The following TMOD3 variants were observed in gnomAD, a reference collection of about 807,000 sequenced individuals.
TMOD3 encodes the protein tropomodulin 3, also known as tropomodulin-3.
A neutral mutation model predicts 39.2 loss-of-function variants in TMOD3; 20 were observed. The observed-to-expected ratio is 0.51, with a 90% CI of 0.36 to 0.74. The LOEUF is 0.74. TMOD3 is among the 30% of genes least tolerant of loss of function. The pLI is 0.00. For missense variants in TMOD3, 381 were observed against 412.8 expected (o/e 0.92, Z 0.67); for synonymous variants, 143 against 145.8 (o/e 0.98, Z 0.14).
chr15:51,908,556 G>A (rs1404113973), intron 9 of TMOD3, among the ~76,000 whole-genome samples: 1 of 151,576 alleles, frequency 6.6e-6, no homozygotes, highest in African/African-American at 2.4e-5. Flanking sequence ...TTCTTTTGTT[G>A]AAGCCCCTTG....
rs1555387131 is a variant in TMOD3, at chr15:51,879,856, T to TCTCACACACACACACA, written c.284-7732_284-7731insTCACACACACACACAC. On this transcript the variant is annotated intron_variant, in intron 3 of 9. Transcript: ENST00000308580. ...CAATCTCTTTCTCTCTCTCTGTCTT[T>TCTCACACACACACACA]CACACACACACACACACACACACAC... Among the ~76,000 whole-genome samples the TCTCACACACACACACA allele has an allele frequency of 2.5e-3, 357 of 142,650 alleles. 4 individuals are homozygous for TCTCACACACACACACA. The highest frequency in any genetic ancestry group is 8.6e-3 in the African/African-American group (331 of 38,300). The allele number at this position is 142,650 out of a possible 152,430, so 93.6% of individuals were successfully genotyped here.
At chr15:51,868,993 A>G (rs1413248891) in intron 2 of TMOD3, among the ~76,000 whole-genome samples, 1 of 152,196 alleles carries the variant, frequency 6.6e-6, no homozygotes, top group South Asian at 2.1e-4. Context: ...AACTGTACTA[A>G]TGTATGTGCC....
intron 3 of TMOD3, among the ~76,000 whole-genome samples, chr15:51,877,828 TG>T (rs1238652376): frequency 6.6e-6 from 1 of 152,148 alleles, no homozygotes; most frequent in Non-Finnish European, 1.5e-5. Flanking sequence ...GTCTGGCTGG[TG>T]GGAACAGGTT....
chr15:51,888,552 T>G (rs1190622438), intron 4 of TMOD3, among the ~76,000 whole-genome samples: 1 of 152,234 alleles, frequency 6.6e-6, no homozygotes, highest in Non-Finnish European at 1.5e-5. Flanking sequence ...CTCCTAAGTG[T>G]CATTTTTGAA....
chr15:51,893,294 CAAAAAAAAAAAA>C (rs59321162), intron 5 of TMOD3, among the ~76,000 whole-genome samples: 8 of 59,008 alleles, frequency 1.4e-4, no homozygotes, highest in Non-Finnish European at 1.7e-4. Context: ...GACTCCATCT[CAAAAAAAAAAAA>C]AAAAAAAAAA....
intron 1 of TMOD3, among the ~76,000 whole-genome samples, chr15:51,831,887 A>G (rs1464370138): frequency 6.6e-6 from 1 of 152,168 alleles, no homozygotes; most frequent in African/African-American, 2.4e-5. Flanking sequence ...AATATGTATA[A>G]GACATGAGGC....
chr15:51,834,820 C>T (rs1220389524), intron 1 of TMOD3, among the ~76,000 whole-genome samples: 2 of 152,188 alleles, frequency 1.3e-5, no homozygotes, highest in East Asian at 3.8e-4. Context: ...GAGTAAGACC[C>T]TGTCTCAAGA....
chr15:51,867,327 A>C (rs184959969), intron 2 of TMOD3, among the ~76,000 whole-genome samples: 1 of 152,338 alleles, frequency 6.6e-6, no homozygotes, highest in Admixed American at 6.5e-5. Flanking sequence ...TCAATTGGAA[A>C]TGGATTCTTC....
At chr15:51,907,124 A>G (rs1418557185) in intron 9 of TMOD3, 1 of 151,916 alleles carries the variant, frequency 6.6e-6, no homozygotes, top group African/African-American at 2.4e-5. Context: ...TCAAGTCTCC[A>G]TTTAATTTTT....
chr15:51,838,722 T>A (rs1360619249), intron 1 of TMOD3, among the ~76,000 whole-genome samples: 1 of 152,152 alleles, frequency 6.6e-6, no homozygotes, highest in Admixed American at 6.5e-5. Context: ...TCCTTTACTT[T>A]TTCCCTGTAG....
Position 51,869,279 on chromosome 15 carries a change from A to G in TMOD3, c.189A>G (p.Pro63=), listed in dbSNP as rs2056462905. 5.0e-6 allele frequency: 8 copies of G among 1,614,082 alleles called. No individual in the cohort carries two copies. The highest frequency in any genetic ancestry group is 5.9e-6 in the Non-Finnish European group (7 of 1,180,030). The change falls in exon 3 of 10, where the codon CCA becomes CCG. Residue 63 remains proline, a synonymous_variant. Coordinates refer to ENST00000308580, the MANE Select transcript of TMOD3 (RefSeq NM_014547.5). ...AGACATCAAAGTCCACCACAGGGCC[A>G]TTTGATAGAGAGCATCTCCTTTCAT... ...KNQTSKSTTG[P]FDREHLLSYL...
chr15:51,907,837 C>T (rs1412499680), intron 9 of TMOD3, among the ~76,000 whole-genome samples: 1 of 152,204 alleles, frequency 6.6e-6, no homozygotes. Flanking sequence ...AGTAGTTTGA[C>T]ATCACCAGTC....
chr15:51,836,111 C>G (rs548655707), intron 1 of TMOD3, among the ~76,000 whole-genome samples: 3 of 152,160 alleles, frequency 2.0e-5, no homozygotes, highest in African/African-American at 7.2e-5. Flanking sequence ...CATTCCTTCC[C>G]CCTTTCTCTA....
intron 5 of TMOD3, among the ~76,000 whole-genome samples, chr15:51,893,124 A>G (rs544887967): frequency 5.3e-5 from 8 of 151,340 alleles, no homozygotes; most frequent in South Asian, 4.2e-4. Context: ...GACGAAACCC[A>G]TCTCTACTAA....
At position 51,915,681 on chromosome 15, in the gene TMOD3, A is replaced by G. The variant is rs2056729549; in HGVS notation, c.*6871A>G. On this transcript the variant is annotated 3_prime_UTR_variant, in exon 10 of 10. Transcript: ENST00000308580. ...AAGCATTTAGAACTTACCAATATATACTGGGATAAATCGTTTCAATAAAGT... is the reference window on the plus strand; with the variant it reads ...AAGCATTTAGAACTTACCAATATATGCTGGGATAAATCGTTTCAATAAAGT... 6.6e-6 allele frequency: 1 copy of G among 152,240 alleles called. No homozygotes were observed. The highest frequency in any genetic ancestry group is 2.1e-4 in the South Asian group (1 of 4,836). 9.4% of individuals were successfully genotyped at this position (152,240 alleles called of 1,614,324 possible).
chr15:51,839,163 C>CTTTTTTTTTTTTTTTTTTTTTTTTTTTT lies in TMOD3; in HGVS notation c.-75+9328_-75+9329insTTTTTTTTTTTTTTTTTTTTTTTTTTTT, dbSNP rs111813783. On this transcript the variant is annotated intron_variant, in intron 1 of 9. Transcript: ENST00000308580. ...TGACAGCTAAGAAATAGGTGTATCT[C>CTTTTTTTTTTTTTTTTTTTTTTTTTTTT]TCTTTTTTTTTTTTTCCATTTTGTT... 2.5e-4 allele frequency among the ~76,000 whole-genome samples: 28 copies of CTTTTTTTTTTTTTTTTTTTTTTTTTTTT among 109,808 alleles called. 5 individuals are homozygous for CTTTTTTTTTTTTTTTTTTTTTTTTTTTT. The highest frequency in any genetic ancestry group is 3.0e-4 in the Non-Finnish European group (15 of 49,754). The allele number at this position is 109,808 out of a possible 152,430, so 72.0% of individuals were successfully genotyped here.
intron 1 of TMOD3, chr15:51,860,304 T>C: frequency 1.9e-6 from 1 of 533,356 alleles, no homozygotes; most frequent in South Asian, 1.4e-5. Context: ...GCTTACAGAA[T>C]TTTCATAGAT....
intron 1 of TMOD3, among the ~76,000 whole-genome samples, chr15:51,842,534 G>T (rs926239155): frequency 6.6e-6 from 1 of 152,094 alleles, no homozygotes; most frequent in Non-Finnish European, 1.5e-5. Flanking sequence ...ACTTACAAGT[G>T]CCCTGTCTGT....
At chr15:51,887,117 G>A (rs1233410325) in intron 3 of TMOD3, among the ~76,000 whole-genome samples, 2 of 151,640 alleles carry the variant, frequency 1.3e-5, no homozygotes, top group Non-Finnish European at 2.9e-5. Flanking sequence ...TACTCAGGAG[G>A]CTGAGAGGCA....
Sources: gnomAD v4.1 joint callset for allele counts (sites outside exome capture counted in the v4.1 genomes callset) on GRCh38, gnomAD v4.1.1 for gene constraint, MANE v1.5 for transcripts, NCBI Gene and HGNC (gene_info 2026-07-23, HGNC 2026-07-21) for gene names.